Variants in ZBTB20 observed in about 807,000 individuals in gnomAD.
The protein encoded by ZBTB20 is zinc finger and BTB domain-containing protein 20.
ZBTB20 carries 9 observed loss-of-function variants against 56.9 expected under a neutral mutation model. The ratio of observed to expected loss-of-function variants is 0.16; its 90% CI spans 0.10 to 0.28. The LOEUF is 0.28. ZBTB20 is among the 10% of genes least tolerant of loss of function. The pLI is 1.00. For missense variants in ZBTB20, 655 were observed against 1,003.0 expected (o/e 0.65, Z 4.69); for synonymous variants, 417 against 420.7 (o/e 0.99, Z 0.11).
intron 6 of ZBTB20, among the ~76,000 whole-genome samples, chr3:114,568,751 G>A (rs192054626): frequency 2.0e-5 from 3 of 152,224 alleles, no homozygotes; most frequent in Non-Finnish European, 2.9e-5. Context: ...TGAATGACCT[G>A]AATGCAAGCC....
intron 4 of ZBTB20, among the ~76,000 whole-genome samples, chr3:114,832,004 C>G (rs1171617801): frequency 6.6e-6 from 1 of 152,078 alleles, no homozygotes; most frequent in Non-Finnish European, 1.5e-5. Context: ...GTTGACATTT[C>G]AATCAGCTTA....
chr3:114,602,118 T>C (rs1478378645), intron 6 of ZBTB20, among the ~76,000 whole-genome samples: 1 of 151,998 alleles, frequency 6.6e-6, no homozygotes, highest in Non-Finnish European at 1.5e-5. Context: ...GTTAATCATC[T>C]CACATGATTT....
At chr3:115,022,768 G>A (rs1057218252) in intron 2 of ZBTB20, among the ~76,000 whole-genome samples, 2 of 150,974 alleles carry the variant, frequency 1.3e-5, no homozygotes, top group South Asian at 2.1e-4. Context: ...ATCTTGGGTG[G>A]TTTTGTGCAG....
At chr3:115,124,888 G>A (rs1323255548) in intron 1 of ZBTB20, among the ~76,000 whole-genome samples, 2 of 151,974 alleles carry the variant, frequency 1.3e-5, no homozygotes, top group African/African-American at 2.4e-5. Context: ...AAATCTGTAT[G>A]AGAACATAAA....
intron 7 of ZBTB20, among the ~76,000 whole-genome samples, chr3:114,425,031 T>C (rs755796737): frequency 6.6e-6 from 1 of 151,990 alleles, no homozygotes; most frequent in Non-Finnish European, 1.5e-5. Context: ...TTGAAAACCA[T>C]TACATAATTG....
intron 5 of ZBTB20, among the ~76,000 whole-genome samples, chr3:114,757,540 C>T (rs2068093699): frequency 1.3e-5 from 2 of 151,854 alleles, no homozygotes; most frequent in South Asian, 2.1e-4. Flanking sequence ...CTTTAAATGC[C>T]CCCTTTGCTA....
intron 7 of ZBTB20, among the ~76,000 whole-genome samples, chr3:114,427,699 G>A (rs997108042): frequency 6.6e-6 from 1 of 152,188 alleles, no homozygotes; most frequent in Non-Finnish European, 1.5e-5. Context: ...TCTGCTGTCT[G>A]GGTCTTCCCC....
At chr3:114,850,626 A>G (rs1329481633) in intron 4 of ZBTB20, among the ~76,000 whole-genome samples, 1 of 152,264 alleles carries the variant, frequency 6.6e-6, no homozygotes, top group East Asian at 1.9e-4. Context: ...TTATGTAAAT[A>G]AAGGGGCTAA....
chr3:114,832,866 A>T (rs1185506494), intron 4 of ZBTB20, among the ~76,000 whole-genome samples: 1 of 152,160 alleles, frequency 6.6e-6, no homozygotes, highest in Non-Finnish European at 1.5e-5. Flanking sequence ...CAGTCTAAGT[A>T]GGTGTGAAGG....
intron 7 of ZBTB20, among the ~76,000 whole-genome samples, chr3:114,429,495 T>C (rs1487526243): frequency 1.3e-5 from 2 of 152,202 alleles, no homozygotes; most frequent in Non-Finnish European, 2.9e-5. Context: ...CCTAACTCGG[T>C]AGCTCAGAAA....
intron 6 of ZBTB20, among the ~76,000 whole-genome samples, chr3:114,509,540 T>C (rs552047510): frequency 6.6e-6 from 1 of 150,816 alleles, no homozygotes; most frequent in South Asian, 2.1e-4. Flanking sequence ...CCAATTGTGC[T>C]TATAGTTTTA....
At chr3:115,122,663 A>G (rs1030518086) in intron 1 of ZBTB20, among the ~76,000 whole-genome samples, 2 of 152,080 alleles carry the variant, frequency 1.3e-5, no homozygotes, top group African/African-American at 2.4e-5. Context: ...ACATTTGTCT[A>G]TGAAGACTTT....
chr3:114,666,443 A>C (rs906182463), intron 6 of ZBTB20, among the ~76,000 whole-genome samples: 1 of 152,052 alleles, frequency 6.6e-6, no homozygotes, highest in Non-Finnish European at 1.5e-5. Context: ...TTCACCTGGC[A>C]ACAAAGGAGA....
intron 7 of ZBTB20, among the ~76,000 whole-genome samples, chr3:114,473,380 T>C (rs953057537): frequency 6.6e-6 from 1 of 152,268 alleles, no homozygotes; most frequent in Non-Finnish European, 1.5e-5. Flanking sequence ...GTTTGCATTT[T>C]TGATATATTT....
chr3:114,502,350 T>C (rs1470486305), intron 6 of ZBTB20, among the ~76,000 whole-genome samples: 10 of 152,206 alleles, frequency 6.6e-5, no homozygotes. Flanking sequence ...CTGGGACAAC[T>C]GCACTATTGT....
rs1314869748 is a variant in ZBTB20, at chr3:114,321,045, A to C, written c.*17960T>G. On this transcript the variant is annotated 3_prime_UTR_variant, in exon 12 of 12. Transcript: ENST00000675478. ...TTGAGCCAGCCAAAGCCTCCAAGTT[A>C]TGTTAGGTGGACAGTAAGACCAGGT... is the stretch of plus-strand genomic sequence containing the variant. 6.6e-6 allele frequency: 1 copy of C among 152,194 alleles called. No individual in the cohort carries two copies. The highest frequency in any genetic ancestry group is 1.5e-5 in the Non-Finnish European group (1 of 68,014). The allele number at this position is 152,194 out of a possible 1,614,324, so 9.4% of individuals were successfully genotyped here. A position where few individuals can be genotyped will look rare whatever the true frequency, so the allele number is the denominator to read the frequency against.
intron 3 of ZBTB20, among the ~76,000 whole-genome samples, chr3:114,920,480 G>GA: frequency 6.6e-6 from 1 of 152,060 alleles, no homozygotes; most frequent in South Asian, 2.1e-4. Flanking sequence ...AATTAAAAAT[G>GA]AAAAAATAAA....
chr3:114,541,503 C>G (rs2049109392), intron 6 of ZBTB20, among the ~76,000 whole-genome samples: 1 of 152,090 alleles, frequency 6.6e-6, no homozygotes, highest in African/African-American at 2.4e-5. Flanking sequence ...AACTACAATG[C>G]CCTATTTGAG....
chr3:114,813,601 A>T (rs138393911), intron 4 of ZBTB20, among the ~76,000 whole-genome samples: 1 of 152,172 alleles, frequency 6.6e-6, no homozygotes, highest in Non-Finnish European at 1.5e-5. Flanking sequence ...AAATGCAAAA[A>T]TTAGCTGCGC....
Sources: allele counts gnomAD v4.1 joint callset (sites outside exome capture counted in the v4.1 genomes callset), GRCh38; gene constraint gnomAD v4.1.1; transcripts MANE v1.5; gene names NCBI Gene and HGNC (gene_info 2026-07-23, HGNC 2026-07-21).